LRMDA: variants seen among roughly 807,000 people sequenced by gnomAD.
The protein encoded by LRMDA is leucine-rich melanocyte differentiation-associated protein.
In LRMDA, 18 loss-of-function variants were observed where a neutral mutation model predicts 29.8. The ratio of observed to expected loss-of-function variants is 0.60; its 90% CI spans 0.42 to 0.90. The LOEUF is 0.90. LRMDA is among the 40% of genes least tolerant of loss of function. LRMDA has a pLI of 0.00. For missense variants in LRMDA, 273 were observed against 273.9 expected (o/e 1.00, Z 0.02); for synonymous variants, 125 against 109.4 (o/e 1.14, Z -0.89).
intron 2 of LRMDA, among the ~76,000 whole-genome samples, chr10:75,658,811 C>T (rs963481132): frequency 2.0e-5 from 3 of 152,172 alleles, no homozygotes; most frequent in African/African-American, 7.2e-5. Flanking sequence ...TAGGGTCCTC[C>T]TCTATTTTGG....
At chr10:76,343,290 G>A (rs1177189438) in intron 6 of LRMDA, among the ~76,000 whole-genome samples, 1 of 152,102 alleles carries the variant, frequency 6.6e-6, no homozygotes. Context: ...ACTGATAAGG[G>A]CTTTATAGAA....
chr10:76,339,451 T>G (rs946219383), intron 6 of LRMDA, among the ~76,000 whole-genome samples: 1 of 151,904 alleles, frequency 6.6e-6, no homozygotes, highest in Non-Finnish European at 1.5e-5. Flanking sequence ...ATTAAAGGAT[T>G]TTTCCTCCTT....
chr10:75,890,671 C>T (rs1845471614), intron 2 of LRMDA, among the ~76,000 whole-genome samples: 1 of 152,134 alleles, frequency 6.6e-6, no homozygotes, highest in Admixed American at 6.5e-5. Context: ...CAAAATGCAA[C>T]AAGATTGACT....
At chr10:75,796,310 T>C (rs2132256798) in intron 2 of LRMDA, among the ~76,000 whole-genome samples, 1 of 152,338 alleles carries the variant, frequency 6.6e-6, no homozygotes, top group East Asian at 1.9e-4. Flanking sequence ...TGTATTATCT[T>C]TGATGTAGAA....
intron 2 of LRMDA, among the ~76,000 whole-genome samples, chr10:75,607,508 T>C (rs1232558687): frequency 1.3e-5 from 2 of 152,246 alleles, no homozygotes; most frequent in Non-Finnish European, 2.9e-5. Flanking sequence ...GATAATTTTG[T>C]AGTGCTCTAA....
chr10:76,484,935 G>A (rs1490559897), intron 6 of LRMDA, among the ~76,000 whole-genome samples: 1 of 151,402 alleles, frequency 6.6e-6, no homozygotes, highest in Non-Finnish European at 1.5e-5. Context: ...ACTAAAGTCA[G>A]CTTTGTCTGA....
chr10:76,476,595 A>T (rs1842674690), intron 6 of LRMDA, among the ~76,000 whole-genome samples: 1 of 151,996 alleles, frequency 6.6e-6, no homozygotes, highest in Non-Finnish European at 1.5e-5. Flanking sequence ...GAGACACAAT[A>T]AAAAAAGAGA....
chr10:75,657,672 G>A (rs1453563818), intron 2 of LRMDA, among the ~76,000 whole-genome samples: 1 of 152,142 alleles, frequency 6.6e-6, no homozygotes, highest in African/African-American at 2.4e-5. Context: ...AATAGAGGAG[G>A]CATATAGTAG....
chr10:75,590,955 G>T (rs1840716660), intron 2 of LRMDA, among the ~76,000 whole-genome samples: 1 of 151,796 alleles, frequency 6.6e-6, no homozygotes, highest in Non-Finnish European at 1.5e-5. Flanking sequence ...TGTTGGCCAG[G>T]CTGATTTCAA....
chr10:75,911,435 GT>G (rs1845841729), intron 2 of LRMDA, among the ~76,000 whole-genome samples: 1 of 152,136 alleles, frequency 6.6e-6, no homozygotes, highest in South Asian at 2.1e-4. Context: ...CTCCAGAAAG[GT>G]AGAAATTCAG....
At chr10:75,471,536 T>TG (rs1844726654) in intron 2 of LRMDA, among the ~76,000 whole-genome samples, 1 of 152,180 alleles carries the variant, frequency 6.6e-6, no homozygotes, top group South Asian at 2.1e-4. Flanking sequence ...TAGACCTGGG[T>TG]TCTGTCTGTT....
At position 76,034,202 on chromosome 10, in the gene LRMDA, A is replaced by AT. The variant is rs1324884014; in HGVS notation, c.132-1800dup. 9.9e-5 allele frequency among the ~76,000 whole-genome samples: 15 copies of AT among 151,936 alleles called. No homozygotes were observed. The East Asian group carries it at 2.5e-3, about 26-fold the overall frequency. On this transcript the variant is annotated intron_variant, in intron 2 of 6. Transcript: ENST00000611255. The stretch of plus-strand genomic sequence containing the variant: ...GTTTTTAAATTTTTTTTTTGTTTGT[A>AT]TTTTTTGTGGGTACATAAGAGGTGT...
chr10:76,051,326 G>A (rs1327055609), intron 4 of LRMDA, among the ~76,000 whole-genome samples: 1 of 152,252 alleles, frequency 6.6e-6, no homozygotes, highest in African/African-American at 2.4e-5. Context: ...ACTCTCTGTA[G>A]AGGGCCTTGG....
Position 75,587,262 on chromosome 10 carries a change from A to G in LRMDA, c.131+148768A>G, listed in dbSNP as rs138832404. Reference sequence around the variant, plus strand: ...AGGCTAAACAGAAATTTACATTCATAGTAGCTTTTGGTAGTGGGTTGAAAA... The same window carrying G: ...AGGCTAAACAGAAATTTACATTCATGGTAGCTTTTGGTAGTGGGTTGAAAA... On this transcript the variant is annotated intron_variant, in intron 2 of 6. Transcript: ENST00000611255. 2.8e-4 allele frequency among the ~76,000 whole-genome samples: 42 copies of G among 152,322 alleles called. No individual in the cohort carries two copies. In the East Asian group the frequency reaches 7.7e-3, roughly 28 times the overall value.
At chr10:75,718,751 T>C (rs765836676) in intron 2 of LRMDA, among the ~76,000 whole-genome samples, 4 of 152,190 alleles carry the variant, frequency 2.6e-5, no homozygotes, top group Non-Finnish European at 4.4e-5. Context: ...AGTAAAGGTA[T>C]AAAAAATTAA....
intron 5 of LRMDA, among the ~76,000 whole-genome samples, chr10:76,254,411 A>AT (rs1292794436): frequency 6.6e-6 from 1 of 151,892 alleles, no homozygotes; most frequent in African/African-American, 2.4e-5. Context: ...ATGCTATGCT[A>AT]TGCTATACTA....
chr10:76,367,063 T>C (rs1043246446), intron 6 of LRMDA, among the ~76,000 whole-genome samples: 2 of 152,232 alleles, frequency 1.3e-5, no homozygotes, highest in African/African-American at 4.8e-5. Context: ...ATTTATTGAC[T>C]TGCGTATGTT....
chr10:75,730,231 A>G (rs985047784), intron 2 of LRMDA, among the ~76,000 whole-genome samples: 3 of 152,130 alleles, frequency 2.0e-5, no homozygotes, highest in African/African-American at 7.2e-5. Context: ...GAATTTAGTG[A>G]CATGTTTCTT....
intron 5 of LRMDA, among the ~76,000 whole-genome samples, chr10:76,289,650 G>A (rs1253229385): frequency 2.0e-5 from 3 of 152,134 alleles, no homozygotes; most frequent in Non-Finnish European, 2.9e-5. Flanking sequence ...TTATGTGTAC[G>A]GTGAGGCATT....
Sources: allele counts gnomAD v4.1 joint callset (sites outside exome capture counted in the v4.1 genomes callset), GRCh38; gene constraint gnomAD v4.1.1; transcripts MANE v1.5; gene names NCBI Gene and HGNC (gene_info 2026-07-23, HGNC 2026-07-21).